The following GPC5 variants were observed in gnomAD, a reference collection of about 807,000 sequenced individuals.
GPC5 encodes the protein glypican-5.
In GPC5, 47 loss-of-function variants were observed where a neutral mutation model predicts 53.9. The observed-to-expected ratio is 0.87, with a 90% CI of 0.69 to 1.11. The LOEUF (loss-of-function observed/expected upper bound fraction) is 1.11, where lower values mean the gene tolerates loss of function less well. GPC5 is among the 50% of genes most tolerant of loss of function. The pLI, the probability that GPC5 is intolerant of heterozygous loss-of-function variation, is 0.00. For synonymous variants in GPC5, 286 were observed against 263.3 expected, an observed-to-expected ratio of 1.09 and a Z score of -0.84; for missense variants, 748 against 713.1, an observed-to-expected ratio of 1.05 and a Z score of -0.56.
intron 2 of GPC5, among the ~76,000 whole-genome samples, chr13:91,449,322 AT>A (rs954111257): frequency 2.6e-5 from 4 of 152,046 alleles, no homozygotes; most frequent in East Asian, 1.9e-4. Flanking sequence ...TCTACTAAAA[AT>A]TTTTTTTGGA....
chr13:92,304,985 C>T (rs961203582), intron 7 of GPC5, among the ~76,000 whole-genome samples: 2 of 151,986 alleles, frequency 1.3e-5, no homozygotes, highest in African/African-American at 4.8e-5. Context: ...AGATCGGGTG[C>T]GTTCAGGGTG....
chr13:92,364,696 C>G (rs1353278316), intron 7 of GPC5, among the ~76,000 whole-genome samples: 1 of 151,700 alleles, frequency 6.6e-6, no homozygotes, highest in Non-Finnish European at 1.5e-5. Flanking sequence ...CGCCACTGCA[C>G]TCCAGTCTGG....
At chr13:92,474,727 G>C (rs9589557) in intron 7 of GPC5, among the ~76,000 whole-genome samples, 4,252 of 151,728 alleles carry the variant, frequency 0.028, 181 homozygotes, top group African/African-American at 0.097. Context: ...CTGTAAAATT[G>C]AGTTACTTTG....
At chr13:92,477,766 T>C (rs1879209746) in intron 7 of GPC5, among the ~76,000 whole-genome samples, 1 of 152,262 alleles carries the variant, frequency 6.6e-6, no homozygotes, top group East Asian at 1.9e-4. Context: ...CTCTAGAGGT[T>C]ACTGAAATGA....
chr13:92,037,030 C>T (rs959009151), intron 6 of GPC5, among the ~76,000 whole-genome samples: 4 of 152,092 alleles, frequency 2.6e-5, no homozygotes, highest in Non-Finnish European at 5.9e-5. Flanking sequence ...AAATGTAATT[C>T]AATTCATGCC....
chr13:91,736,533 A>T (rs899452084), intron 4 of GPC5, among the ~76,000 whole-genome samples: 4 of 151,316 alleles, frequency 2.6e-5, no homozygotes, highest in African/African-American at 9.8e-5. Flanking sequence ...AATATAAATG[A>T]CTGAGAACAG....
At chr13:91,512,405 A>T (rs909519600) in intron 2 of GPC5, among the ~76,000 whole-genome samples, 6 of 151,354 alleles carry the variant, frequency 4.0e-5, no homozygotes, top group East Asian at 1.9e-4. Flanking sequence ...TCTTGGGGGG[A>T]TTTTTTCAGC....
intron 7 of GPC5, among the ~76,000 whole-genome samples, chr13:92,514,144 G>A (rs1199077212): frequency 5.5e-5 from 2 of 36,430 alleles, no homozygotes; most frequent in South Asian, 1.1e-3. Flanking sequence ...CTGCCCCCCC[G>A]CCCCCGCCCC....
At chr13:92,569,137 C>G (rs1882947911) in intron 7 of GPC5, among the ~76,000 whole-genome samples, 2 of 131,750 alleles carry the variant, frequency 1.5e-5, no homozygotes, top group African/African-American at 5.8e-5. Context: ...TCCATGTGTT[C>G]TCATTGTTCA....
chr13:91,768,700 A>G (rs2037568463), intron 5 of GPC5, among the ~76,000 whole-genome samples: 1 of 152,214 alleles, frequency 6.6e-6, no homozygotes, highest in African/African-American at 2.4e-5. Context: ...GTTTAGAATA[A>G]ATACGGTTAA....
chr13:91,531,358 G>A (rs1488458214), intron 2 of GPC5, among the ~76,000 whole-genome samples: 4 of 151,728 alleles, frequency 2.6e-5, no homozygotes, highest in East Asian at 1.9e-4. Context: ...TGGATAAAGC[G>A]AAGAACATAG....
intron 7 of GPC5, among the ~76,000 whole-genome samples, chr13:92,519,590 G>A (rs1044994287): frequency 6.6e-6 from 1 of 152,154 alleles, no homozygotes; most frequent in African/African-American, 2.4e-5. Flanking sequence ...TGAGAACAAA[G>A]ACACAACATA....
At position 92,049,307 on chromosome 13, in the gene GPC5, C is replaced by G. The variant is rs1053778461; in HGVS notation, c.1402-95523C>G. ...CTGTTTAAATGGCTTTATTTTTGCC[C>G]TTAGTACATATCACTATCTGACCTT... On this transcript the variant is annotated intron_variant, in intron 6 of 7. Coordinates refer to ENST00000377067, the MANE Select transcript of GPC5 (RefSeq NM_004466.6). Among the ~76,000 whole-genome samples the G allele has an allele frequency of 2.9e-4, 44 of 152,162 alleles. 1 individual carries two copies. The highest frequency in any genetic ancestry group is 9.6e-4 in the African/African-American group (40 of 41,542).
chr13:92,250,589 A>ATCAGGAATAGCTTGCGG (rs2042685498), intron 7 of GPC5, among the ~76,000 whole-genome samples: 1 of 152,132 alleles, frequency 6.6e-6, no homozygotes, highest in Admixed American at 6.6e-5. Context: ...GGAGAGGCTC[A>ATCAGGAATAGCTTGCGG]TCAGGAATAG....
chr13:92,424,933 A>T (rs117071583), intron 7 of GPC5, among the ~76,000 whole-genome samples: 2,281 of 152,180 alleles, frequency 0.015, 57 homozygotes, highest in Non-Finnish European at 0.016. Context: ...TCCTGCTTCA[A>T]AGGGCAAGTA....
In GPC5 at chr13:92,527,244, A is replaced by G. The variant is rs1881381262; in HGVS notation, c.1562-339038A>G. On this transcript the variant is annotated intron_variant, in intron 7 of 7. Transcript: ENST00000377067. Reference sequence around the variant, plus strand: ...AAGAAAGAAAGAAAGAAAGAAAGAAAGAAAGAGAAAGAAAGAAAGAAAGAA... The same window carrying G: ...AAGAAAGAAAGAAAGAAAGAAAGAAGGAAAGAGAAAGAAAGAAAGAAAGAA... Among the ~76,000 whole-genome samples the G allele has an allele frequency of 5.8e-5, 2 of 34,382 alleles. 1 individual carries two copies. Among genetic ancestry groups the G allele is most frequent in the Non-Finnish European group, 9.9e-5 (2 of 20,204 alleles). The allele number at this position is 34,382 out of a possible 152,430, so 22.6% of individuals were successfully genotyped here. A position where few individuals can be genotyped will look rare whatever the true frequency, so the allele number is the denominator to read the frequency against.
chr13:91,744,804 A>G (rs972830308), intron 4 of GPC5, among the ~76,000 whole-genome samples: 1 of 152,152 alleles, frequency 6.6e-6, no homozygotes, highest in Admixed American at 6.6e-5. Flanking sequence ...GGAATATTCA[A>G]GATTTGACCT....
intron 7 of GPC5, among the ~76,000 whole-genome samples, chr13:92,422,591 TG>T (rs1313165012): frequency 6.6e-6 from 1 of 151,996 alleles, no homozygotes; most frequent in African/African-American, 2.4e-5. Flanking sequence ...GAGATTAGCC[TG>T]TCATGCTGTC....
chr13:92,150,185 A>C (rs1225285782), intron 7 of GPC5, among the ~76,000 whole-genome samples: 2 of 151,972 alleles, frequency 1.3e-5, no homozygotes, highest in African/African-American at 4.8e-5. Context: ...AAACCTTTGC[A>C]AGACATTGAA....
Sources: gnomAD v4.1 joint callset for allele counts (sites outside exome capture counted in the v4.1 genomes callset) on GRCh38, gnomAD v4.1.1 for gene constraint, MANE v1.5 for transcripts, NCBI Gene and HGNC (gene_info 2026-07-23, HGNC 2026-07-21) for gene names.